Variants in ABLIM2 observed in about 807,000 individuals in gnomAD.
ABLIM2 encodes actin-binding LIM protein 2.
Under a neutral mutation model 97.7 loss-of-function variants are expected in ABLIM2, and 53 were observed. That is an observed-to-expected ratio of 0.54 (90% CI 0.44 to 0.68). ABLIM2 has a LOEUF of 0.68. Ranked by LOEUF, ABLIM2 falls within the 30% of genes least tolerant of loss-of-function variation. ABLIM2 has a pLI of 0.00. For synonymous variants in ABLIM2, 361 were observed against 345.8 expected, an observed-to-expected ratio of 1.04 and a Z score of -0.49; for missense variants, 835 against 867.2, an observed-to-expected ratio of 0.96 and a Z score of 0.47.
intron 1 of ABLIM2, among the ~76,000 whole-genome samples, chr4:8,138,068 G>A (rs1167556512): frequency 6.6e-6 from 1 of 152,204 alleles, no homozygotes; most frequent in African/African-American, 2.4e-5. Flanking sequence ...CAGTCACAGA[G>A]GGCAAATAGT....
chr4:8,107,611 G>A (rs929069349), intron 1 of ABLIM2, among the ~76,000 whole-genome samples: 6 of 152,252 alleles, frequency 3.9e-5, no homozygotes, highest in Non-Finnish European at 7.3e-5. Context: ...GTGAATCAGC[G>A]TGGGGACTGA....
chr4:8,092,051 G>A (rs1226620863), intron 3 of ABLIM2, among the ~76,000 whole-genome samples: 1 of 147,972 alleles, frequency 6.8e-6, no homozygotes, highest in East Asian at 1.9e-4. Context: ...AGGCTGGAGT[G>A]CACTGGCACA....
intron 14 of ABLIM2, among the ~76,000 whole-genome samples, chr4:8,010,998 C>T (rs773845517): frequency 3.3e-5 from 5 of 152,192 alleles, no homozygotes; most frequent in African/African-American, 9.7e-5. Context: ...ATAAGTGCAT[C>T]GTTTCCTGAA....
intron 1 of ABLIM2, among the ~76,000 whole-genome samples, chr4:8,114,548 G>A (rs145318208): frequency 6.6e-5 from 10 of 152,242 alleles, no homozygotes; most frequent in Non-Finnish European, 1.0e-4. Context: ...AAATCATGCC[G>A]GATCACAGGC....
At chr4:8,106,413 C>T (rs1340012099) in intron 2 of ABLIM2, 81 bp downstream of exon 2, 2 of 1,542,048 alleles carry the variant, frequency 1.3e-6, no homozygotes, top group Non-Finnish European at 1.8e-6. Context: ...GCAGAGCTTC[C>T]CAGGAGGCTT....
chr4:7,970,520 A>G lies in ABLIM2; in HGVS notation c.1825-3417T>C, dbSNP rs1027445695. On this transcript the variant is annotated intron_variant, in intron 20 of 20. Transcript: ENST00000447017. The surrounding 1 kb of genome is among the most constrained non-coding windows in gnomAD (Gnocchi z 5.3). ...GGCAGGCGTGCCCCGCATGCTGGGG[A>G]AGGAGAGAAGGGCAGGCTTGAGGAT... Among the ~76,000 whole-genome samples, 12 of 151,574 alleles carry G rather than the reference A, an allele frequency of 7.9e-5. 1 individual carries two copies. The highest frequency in any genetic ancestry group is 1.5e-4 in the Non-Finnish European group (10 of 67,818).
intron 1 of ABLIM2, among the ~76,000 whole-genome samples, chr4:8,153,023 G>A (rs988512419): frequency 6.6e-6 from 1 of 152,182 alleles, no homozygotes; most frequent in Non-Finnish European, 1.5e-5. Flanking sequence ...TCTTTGCAGG[G>A]AAGGGACTAT....
intron 6 of ABLIM2, among the ~76,000 whole-genome samples, chr4:8,066,005 A>G (rs1351366868): frequency 5.2e-5 from 2 of 38,112 alleles, no homozygotes; most frequent in Admixed American, 3.7e-4. Context: ...GGAGGGAGAA[A>G]GGAGGGAGGG....
chr4:8,116,767 T>C (rs547500451), intron 1 of ABLIM2, among the ~76,000 whole-genome samples: 1 of 152,280 alleles, frequency 6.6e-6, no homozygotes, highest in African/African-American at 2.4e-5. Flanking sequence ...GAAGGTTAGG[T>C]GGCTCATAAC....
In ABLIM2 at chr4:8,091,179, G is replaced by A. The variant is rs759116456; in HGVS notation, c.339-2895C>T. ...CAGTTTTAGTCGTTCTCATGGAGGC[G>A]TAATGGCATTTCTTTGTAGTTTTCA... On this transcript the variant is annotated intron_variant, in intron 3 of 20. Coordinates refer to ENST00000447017, the MANE Select transcript of ABLIM2 (RefSeq NM_001130083.2). Among the ~76,000 whole-genome samples, 61 of 146,130 alleles carry A rather than the reference G, an allele frequency of 4.2e-4. 1 individual carries two copies. Among genetic ancestry groups the A allele is most frequent in the Admixed American group, 1.7e-3 (24 of 13,724 alleles).
rs924987024 is a variant in ABLIM2 at position 8,075,660 on chromosome 4, C to G, written c.675+1968G>C. 5.9e-5 allele frequency among the ~76,000 whole-genome samples: 9 copies of G among 152,022 alleles called. No homozygotes were observed. Among genetic ancestry groups the G allele is most frequent in the African/African-American group, 2.2e-4 (9 of 41,382 alleles). ...TGAGCTGTGATGACACCACCGCACT[C>G]CAGCCTGGGCAACTGAGTGAGAACC... On this transcript the variant is annotated intron_variant, in intron 6 of 20. Transcript: ENST00000447017. The surrounding 1 kb of genome is among the most constrained non-coding windows in gnomAD (Gnocchi z 4.4).
At chr4:8,092,558 T>C (rs982849971) in intron 3 of ABLIM2, among the ~76,000 whole-genome samples, 3 of 152,150 alleles carry the variant, frequency 2.0e-5, no homozygotes, top group Admixed American at 6.5e-5. Flanking sequence ...ATGTAAAACA[T>C]AGATTTACTG....
intron 20 of ABLIM2, among the ~76,000 whole-genome samples, chr4:7,979,689 C>T (rs1303667188): frequency 6.6e-6 from 1 of 152,214 alleles, no homozygotes; most frequent in Admixed American, 6.5e-5. Flanking sequence ...AGATTCACTT[C>T]CTTCTTTCCT....
At chr4:8,103,713 T>A (rs2152727997) in intron 2 of ABLIM2, among the ~76,000 whole-genome samples, 2 of 152,252 alleles carry the variant, frequency 1.3e-5, no homozygotes, top group Middle Eastern at 3.4e-3. Flanking sequence ...TATTCCCACA[T>A]CCACTGAAGG....
At chr4:8,088,375 T>G (rs1419671535) in intron 3 of ABLIM2, 91 bp from the exon 4 acceptor site, 1 of 968,200 alleles carries the variant, frequency 1.0e-6, no homozygotes, top group East Asian at 2.7e-5. Flanking sequence ...AGGGCCAATG[T>G]CTCCCCAGGA....
In ABLIM2 at chr4:8,043,064, T is replaced by G. The variant is rs1789785336; in HGVS notation, c.900+2100A>C. ...TACTCGGGATGCTGAGGTGGGAGGA[T>G]CGCCTGAGCCCGGGGAGGTTGAGGC... is the stretch of plus-strand genomic sequence containing the variant. On this transcript the variant is annotated intron_variant, in intron 9 of 20. Coordinates refer to ENST00000447017, the MANE Select transcript of ABLIM2 (RefSeq NM_001130083.2). The surrounding 1 kb of genome is among the most constrained non-coding windows in gnomAD (Gnocchi z 4.8). 6.6e-6 allele frequency among the ~76,000 whole-genome samples: 1 copy of G among 151,158 alleles called. No individual in the cohort carries two copies. Among genetic ancestry groups the G allele is most frequent in the South Asian group, 2.1e-4 (1 of 4,764 alleles).
At chr4:8,042,062 C>T (rs996067224) in intron 9 of ABLIM2, among the ~76,000 whole-genome samples, 3 of 152,186 alleles carry the variant, frequency 2.0e-5, no homozygotes, top group Admixed American at 1.3e-4. Flanking sequence ...CAAATGTTGG[C>T]GCTCAGAAAA....
At chr4:8,060,348 T>C (rs766989090) in intron 7 of ABLIM2, among the ~76,000 whole-genome samples, 19 of 152,194 alleles carry the variant, frequency 1.2e-4, no homozygotes, top group Non-Finnish European at 2.6e-4. Flanking sequence ...GCCTTTGTGA[T>C]GACACTTATT....
intron 1 of ABLIM2, among the ~76,000 whole-genome samples, chr4:8,133,537 T>C (rs1849733452): frequency 6.6e-6 from 1 of 152,098 alleles, no homozygotes; most frequent in African/African-American, 2.4e-5. Context: ...CAGCACACAG[T>C]GTCCTCTTTG....
Sources: allele counts gnomAD v4.1 joint callset (sites outside exome capture counted in the v4.1 genomes callset), GRCh38; gene constraint gnomAD v4.1.1; non-coding constraint Gnocchi (gnomAD v3.1); transcripts MANE v1.5; gene names NCBI Gene and HGNC (gene_info 2026-07-23, HGNC 2026-07-21).